The following MAST1 variants were observed in gnomAD, a reference collection of about 807,000 sequenced individuals.
The protein encoded by MAST1 is microtubule-associated serine/threonine-protein kinase 1.
A neutral mutation model predicts 124.6 loss-of-function variants in MAST1; 40 were observed. The observed-to-expected ratio is 0.32, with a 90% confidence interval of 0.25 to 0.42. MAST1 has a LOEUF of 0.42. MAST1 is among the 10% of genes least tolerant of loss of function. The probability of loss-of-function intolerance (pLI) is 1.00; values close to 1 mark genes in which losing one functional copy is unlikely to be tolerated. For missense variants in MAST1, 1,558 were observed against 2,181.9 expected (o/e 0.71, Z 5.70); for synonymous variants, 938 against 939.4 (o/e 1.00, Z 0.03).
Position 12,867,481 on chromosome 19 carries a change from G to C in MAST1, c.2147G>C (p.Ser716Thr). The C allele has an allele frequency of 6.2e-7, 1 of 1,613,330 alleles. No individual in the cohort carries two copies. Among genetic ancestry groups the C allele is most frequent in the Non-Finnish European group, 8.5e-7 (1 of 1,179,970 alleles). ...SCSPRFSKVY[S>T]SMEQLSQHEP... is the part of the protein sequence containing the mutation. ...TCCCACCACCACCTACAGGTGTATA[G>C]CAGCATGGAGCAGCTGTCGCAGCAC... Residue 716 changes from serine (S) to threonine (T), a missense_variant, in exon 19 of 26, where the codon AGC becomes ACC. This residue lies in a region of MAST1 where 287 missense variants were observed against 308.0 expected (regional missense o/e 0.93). Coordinates refer to ENST00000251472, the MANE Select transcript of MAST1 (RefSeq NM_014975.3).
Position 12,866,659 on chromosome 19 carries a change from C to A in MAST1, c.2036C>A (p.Ser679Ter). 6.2e-7 allele frequency: 1 copy of A among 1,613,016 alleles called. No homozygotes were observed. Among genetic ancestry groups the A allele is most frequent in the South Asian group, 1.1e-5 (1 of 90,970 alleles). Residue 679 changes from serine (S) to a stop codon, truncating the protein, a stop_gained, in exon 18 of 26, where the codon TCA (serine) becomes TAA (stop). Transcript: ENST00000251472. LOFTEE classifies it high-confidence loss of function. The surrounding 1 kb of genome is among the most constrained non-coding windows in gnomAD (Gnocchi z 5.2). Reference sequence around the variant, plus strand: ...GCCCATACCCGCTCCCCAGCCCGCTCAGACAGGTATCACCACGTGAACTCC... The same window carrying A: ...GCCCATACCCGCTCCCCAGCCCGCTAAGACAGGTATCACCACGTGAACTCC... ...EDDTSYFDTR[S>*]DRYHHVNSYD...
Position 12,873,807 on chromosome 19 carries a change from C to T in MAST1, c.3650C>T (p.Ser1217Leu). 5 of 1,592,962 alleles carry T rather than the reference C, an allele frequency of 3.1e-6. No homozygotes were observed. The highest frequency in any genetic ancestry group is 4.2e-6 in the Non-Finnish European group (5 of 1,176,752). Residue 1217 changes from serine (S) to leucine (L), a missense_variant, in exon 26 of 26, where the codon TCA becomes TTA. Around this residue, in one of 10 missense-constraint regions of MAST1, gnomAD observed 291 missense variants for 475.8 expected, o/e 0.61. Coordinates refer to ENST00000251472, the MANE Select transcript of MAST1 (RefSeq NM_014975.3). ...LAHTPSPTQASPPPLPGHTVG... is the reference protein window; with the variant it reads ...LAHTPSPTQALPPPLPGHTVG... Reference sequence around the variant, plus strand: ...CACACGCCGTCCCCCACGCAGGCGTCACCGCCGCCACTGCCGGGCCACACG... The same window carrying T: ...CACACGCCGTCCCCCACGCAGGCGTTACCGCCGCCACTGCCGGGCCACACG...
At chr19:12,853,603 T>C (rs1488195703) in intron 10 of MAST1, among the ~76,000 whole-genome samples, 2 of 151,082 alleles carry the variant, frequency 1.3e-5, no homozygotes, top group Non-Finnish European at 2.9e-5. Context: ...TGCAATGGCT[T>C]ATGCATGTAA....
rs1043302214 is a variant in MAST1, at chr19:12,843,322, G to A, written c.249-207G>A. Among the ~76,000 whole-genome samples, 20 of 152,046 alleles carry A rather than the reference G, an allele frequency of 1.3e-4. No individual in the cohort carries two copies. The highest frequency in any genetic ancestry group is 4.8e-4 in the African/African-American group (20 of 41,378). On this transcript the variant is annotated intron_variant, in intron 3 of 25. Transcript: ENST00000251472. This position sits in a 1 kb window ranked among gnomAD's most constrained non-coding sequence, Gnocchi z 4.9. Reference sequence around the variant, plus strand: ...GAGAGGGGACCGTGGGGAGGAGAGTGGAGACGGATCCTCCCTCCAATTCCC... The same window carrying A: ...GAGAGGGGACCGTGGGGAGGAGAGTAGAGACGGATCCTCCCTCCAATTCCC...
At position 12,838,977 on chromosome 19, in the gene MAST1, C is replaced by G. The variant is rs1167565792; in HGVS notation, c.83+322C>G. On this transcript the variant is annotated intron_variant, in intron 1 of 25. Transcript: ENST00000251472. This position sits in a 1 kb window ranked among gnomAD's most constrained non-coding sequence, Gnocchi z 4.3. ...AGGGGAGGCTGGGGGGCTTGGCACCCTCAGAACAATAGCCGCAGCCTGGCC... is the reference window on the plus strand; with the variant it reads ...AGGGGAGGCTGGGGGGCTTGGCACCGTCAGAACAATAGCCGCAGCCTGGCC... 6.6e-6 allele frequency among the ~76,000 whole-genome samples: 1 copy of G among 152,104 alleles called. No individual in the cohort carries two copies. The highest frequency in any genetic ancestry group is 1.5e-5 in the Non-Finnish European group (1 of 68,000).
chr19:12,871,111 A>G lies in MAST1; in HGVS notation c.3202A>G (p.Ser1068Gly), dbSNP rs1970228376. The change falls in exon 24 of 26, where the codon AGC (serine) becomes GGC (glycine). Residue 1068 changes from serine to glycine, a missense_variant. This residue lies in a region of MAST1 where 291 missense variants were observed against 475.8 expected (regional missense o/e 0.61). Coordinates refer to ENST00000251472, the MANE Select transcript of MAST1 (RefSeq NM_014975.3). The part of the protein sequence containing the change: ...SIRIGPARRS[S>G]YKAKMARRNK... ...CCGCATTGGTCCCGCAAGGCGCAGC[A>G]GCTACAAGGCTAAAATGGCTCGGAG... is the stretch of plus-strand genomic sequence containing the variant. The G allele has an allele frequency of 6.2e-7, 1 of 1,614,146 alleles. No homozygotes were observed. Among genetic ancestry groups the G allele is most frequent in the Non-Finnish European group, 8.5e-7 (1 of 1,180,050 alleles).
At position 12,843,641 on chromosome 19, in the gene MAST1, G is replaced by A; in HGVS notation, c.327+34G>A. 3.8e-6 allele frequency: 6 copies of A among 1,596,468 alleles called. No homozygotes were observed. Among genetic ancestry groups the A allele is most frequent in the Non-Finnish European group, 5.1e-6 (6 of 1,166,834 alleles). Reference sequence around the variant, plus strand: ...GGAAAGTAGGTGGGTGGGCCGGTGGGTAAGGAATTCAGGGGCCCTCCAGCC... The same window carrying A: ...GGAAAGTAGGTGGGTGGGCCGGTGGATAAGGAATTCAGGGGCCCTCCAGCC... On this transcript the variant is annotated intron_variant, in intron 4 of 25. Coordinates refer to ENST00000251472, the MANE Select transcript of MAST1 (RefSeq NM_014975.3). This position sits in a 1 kb window ranked among gnomAD's most constrained non-coding sequence, Gnocchi z 4.9.
intron 11 of MAST1, 28 bp downstream of exon 11, chr19:12,858,469 G>T (rs1970042721): frequency 6.2e-7 from 1 of 1,612,442 alleles, no homozygotes. Flanking sequence ...CTGGCGGGGG[G>T]AGGGTGGCGG....
At position 12,838,533 on chromosome 19, in the gene MAST1, G is replaced by T. The variant is rs768239637; in HGVS notation, c.-40G>T. On this transcript the variant is annotated 5_prime_UTR_variant, in exon 1 of 26. Transcript: ENST00000251472. This position sits in a 1 kb window ranked among gnomAD's most constrained non-coding sequence, Gnocchi z 4.3. The stretch of plus-strand genomic sequence containing the variant: ...CGCCGCCGCCGCCGCCGCCTCCGCC[G>T]CTGCTGCCGCACCTGCCACCATGTC... 23 of 1,433,102 alleles carry T rather than the reference G, an allele frequency of 1.6e-5. No individual in the cohort carries two copies. Among genetic ancestry groups the T allele is most frequent in the Non-Finnish European group, 2.0e-5 (22 of 1,080,544 alleles). The allele number at this position is 1,433,102 out of a possible 1,614,324, so 88.8% of individuals were successfully genotyped here. A position where few individuals can be genotyped will look rare whatever the true frequency, so the allele number is the denominator to read the frequency against.
chr19:12,851,899 C>T, intron 7 of MAST1, 35 bp from the exon 8 acceptor site: 1 of 1,548,422 alleles, frequency 6.5e-7, no homozygotes, highest in African/African-American at 1.4e-5. Flanking sequence ...GGCAGAGTGC[C>T]TATGAGCCCT....
At chr19:12,859,246 ATTTT>A (rs1970051521) in intron 12 of MAST1, among the ~76,000 whole-genome samples, 1 of 151,716 alleles carries the variant, frequency 6.6e-6, no homozygotes, top group Non-Finnish European at 1.5e-5. Context: ...TTCATGGGTA[ATTTT>A]TCTATTTTTA....
At position 12,865,899 on chromosome 19, in the gene MAST1, G is replaced by A. The variant is rs1415491755; in HGVS notation, c.1906+81G>A. 1.2e-6 allele frequency: 2 copies of A among 1,606,988 alleles called. No individual in the cohort carries two copies. The highest frequency in any genetic ancestry group is 1.7e-5 in the Admixed American group (1 of 59,678). ...AACCCCAGGCCCAGCCTGTGCTGTG[G>A]CCCCGGGGCGGAAGACATGGGGGGC... is the stretch of plus-strand genomic sequence containing the variant. On this transcript the variant is annotated intron_variant, in intron 16 of 25. Transcript: ENST00000251472. This position sits in a 1 kb window ranked among gnomAD's most constrained non-coding sequence, Gnocchi z 7.1.
chr19:12,861,401 T>A (rs565644872), intron 12 of MAST1, among the ~76,000 whole-genome samples: 2 of 152,230 alleles, frequency 1.3e-5, no homozygotes, highest in African/African-American at 4.8e-5. Flanking sequence ...TCCATGAGGC[T>A]GGAGGAGGTG....
intron 3 of MAST1, among the ~76,000 whole-genome samples, chr19:12,842,071 G>A (rs1200235842): frequency 6.6e-6 from 1 of 152,182 alleles, no homozygotes; most frequent in African/African-American, 2.4e-5. Context: ...TTGTCACTGT[G>A]TGAGGGATTA....
intron 11 of MAST1, 22 bp downstream of exon 11, chr19:12,858,463 CG>C: frequency 6.2e-7 from 1 of 1,612,016 alleles, no homozygotes; most frequent in Non-Finnish European, 8.5e-7. Context: ...GGGGCTCTGG[CG>C]GGGGGAGGGT....
Position 12,873,351 on chromosome 19 carries a change from G to T in MAST1, c.3291G>T (p.Lys1097Asn). The change falls in exon 25 of 26, where the codon AAG becomes AAT. Residue 1097 changes from lysine (K) to asparagine (N), a missense_variant. Lys to Asn is a moderately conservative substitution (Grantham distance 94, BLOSUM62 0). Transcript: ENST00000251472. ...ESKKRSSLFR[K>N]ITKQSNLLHT... ...AGAAGCGCAGCTCCCTCTTCCGGAAGATCACGAAGCAGTCGAACCTGCTGC... is the reference window on the plus strand; with the variant it reads ...AGAAGCGCAGCTCCCTCTTCCGGAATATCACGAAGCAGTCGAACCTGCTGC... 1 of 1,613,696 alleles carries T rather than the reference G, an allele frequency of 6.2e-7. No individual in the cohort carries two copies. The highest frequency in any genetic ancestry group is 8.5e-7 in the Non-Finnish European group (1 of 1,179,688).
chr19:12,851,945 C>G lies in MAST1; in HGVS notation c.786C>G (p.Arg262=). 6.2e-7 allele frequency: 1 copy of G among 1,613,892 alleles called. No individual in the cohort carries two copies. The highest frequency in any genetic ancestry group is 2.2e-5 in the East Asian group (1 of 44,882). ...GTCCCCTGCCACAGGCCTATGAACGCTCTGAGAGCTTGGAGGTGGCCTTCG... is the reference window on the plus strand; with the variant it reads ...GTCCCCTGCCACAGGCCTATGAACGGTCTGAGAGCTTGGAGGTGGCCTTCG... ...LEKLLQDAYE[R]SESLEVAFVT... The change falls in exon 8 of 26, where the codon CGC becomes CGG. Residue 262 remains arginine (R), a synonymous_variant. Coordinates refer to ENST00000251472, the MANE Select transcript of MAST1 (RefSeq NM_014975.3).
intron 12 of MAST1, among the ~76,000 whole-genome samples, chr19:12,859,225 C>T (rs1254478374): frequency 6.6e-6 from 1 of 151,892 alleles, no homozygotes; most frequent in East Asian, 1.9e-4. Context: ...GATTATGGGC[C>T]TGTGCCACCA....
intron 12 of MAST1, among the ~76,000 whole-genome samples, chr19:12,861,718 T>TTTC (rs1970086474): frequency 3.2e-5 from 3 of 92,936 alleles, no homozygotes; most frequent in African/African-American, 5.2e-5. Flanking sequence ...TTCTTTCTTT[T>TTTC]TTGAGATAGA....
Sources: allele counts gnomAD v4.1 joint callset (sites outside exome capture counted in the v4.1 genomes callset), GRCh38; gene constraint gnomAD v4.1.1; regional missense constraint gnomAD v4.1.1; non-coding constraint Gnocchi (gnomAD v3.1); transcripts MANE v1.5; gene names NCBI Gene and HGNC (gene_info 2026-07-23, HGNC 2026-07-21).